FBXO41: variants seen among roughly 807,000 people sequenced by gnomAD.
FBXO41 encodes the protein F-box protein 41.
FBXO41 carries 33 observed loss-of-function variants against 81.6 expected under a neutral mutation model. The ratio of observed to expected loss-of-function variants is 0.40; its 90% CI spans 0.31 to 0.54. FBXO41 has a LOEUF of 0.54. Among genes scored for constraint, FBXO41 ranks in the 20% least tolerant of loss-of-function variants. The pLI is 0.39. For synonymous variants in FBXO41, 576 were observed against 552.7 expected (o/e 1.04, Z -0.59); for missense variants, 1,107 against 1,236.0 (o/e 0.90, Z 1.56).
In FBXO41 at chr2:73,259,136, G is replaced by T. The variant is rs1176492563; in HGVS notation, c.2565+45C>A. 4.3e-6 allele frequency: 7 copies of T among 1,612,110 alleles called. No homozygotes were observed. Among genetic ancestry groups the T allele is most frequent in the Non-Finnish European group, 5.9e-6 (7 of 1,178,398 alleles). ...ACCCAGGTCACCAGCCCCAGTCTAG[G>T]GATGCCACTTGGGGTCTTGGACAGC... is the stretch of plus-strand genomic sequence containing the variant. On this transcript the variant is annotated intron_variant, in intron 12 of 12. Coordinates refer to ENST00000520530, the MANE Select transcript of FBXO41 (RefSeq NM_001371389.2). This position sits in a 1 kb window ranked among gnomAD's most constrained non-coding sequence, Gnocchi z 4.2.
At position 73,258,730 on chromosome 2, in the gene FBXO41, T is replaced by A. The variant is rs1337064954; in HGVS notation, c.*252A>T. On this transcript the variant is annotated 3_prime_UTR_variant, in exon 13 of 13. Transcript: ENST00000520530. ...GCTCCTCACTGGCTGTGCCAGAGGC[T>A]ACTCCAGCCGGGGTAGGGTGGGGGT... 2 of 468,006 alleles carry A rather than the reference T, an allele frequency of 4.3e-6. No homozygotes were observed. Among genetic ancestry groups the A allele is most frequent in the Non-Finnish European group, 7.5e-6 (2 of 265,274 alleles). 29.0% of individuals were successfully genotyped at this position (468,006 alleles called of 1,614,324 possible).
Position 73,259,056 on chromosome 2 carries a change from AC to A in FBXO41, c.2566-13del. ...CTCCGTCGCAGAGCCTGCGGACCGA[AC>A]CCTGGGTTAGTTCTCCCTCCGTGCC... On this transcript the variant is annotated splice_polypyrimidine_tract_variant and intron_variant, in intron 12 of 12. Transcript: ENST00000520530. This position sits in a 1 kb window ranked among gnomAD's most constrained non-coding sequence, Gnocchi z 4.2. 6.2e-7 allele frequency: 1 copy of A among 1,605,398 alleles called. No homozygotes were observed. The highest frequency in any genetic ancestry group is 1.1e-5 in the South Asian group (1 of 89,852).
chr2:73,274,019 C>T (rs534616943), intron 1 of FBXO41, among the ~76,000 whole-genome samples: 6 of 152,332 alleles, frequency 3.9e-5, no homozygotes, highest in African/African-American at 1.4e-4. Flanking sequence ...GTTCTTTTCT[C>T]ATGCTTTGTA....
intron 1 of FBXO41, among the ~76,000 whole-genome samples, chr2:73,281,552 T>A (rs1268529989): frequency 6.6e-6 from 1 of 152,232 alleles, no homozygotes; most frequent in Non-Finnish European, 1.5e-5. Context: ...TTAGGACTTG[T>A]CCTCTTGGAA....
In FBXO41 at chr2:73,265,932, G is replaced by A. The variant is rs756618072; in HGVS notation, c.1166C>T (p.Thr389Ile). The A allele has an allele frequency of 1.3e-6, 2 of 1,587,176 alleles. No homozygotes were observed. The highest frequency in any genetic ancestry group is 2.3e-5 in the East Asian group (1 of 43,616). Residue 389 changes from threonine (T) to isoleucine (I), a missense_variant, in exon 4 of 13, where the codon ACA becomes ATA. Physicochemically the swap from Thr to Ile is moderately conservative, Grantham distance 89. Around this residue, in one of 2 missense-constraint regions of FBXO41, gnomAD observed 771 missense variants for 789.2 expected, o/e 0.98. Coordinates refer to ENST00000520530, the MANE Select transcript of FBXO41 (RefSeq NM_001371389.2). The stretch of plus-strand genomic sequence containing the variant: ...GGAGCCATGCCGTGACACTGCATAT[G>A]TGTTAGGCACGGCCGGGCCCACGTG... ...EHHVGPAVPNTYAVSRHGSSP... is the reference protein window; with the variant it reads ...EHHVGPAVPNIYAVSRHGSSP...
rs548659317 is a variant in FBXO41, at chr2:73,269,779, C to T, written c.-138-11G>A. The T allele has an allele frequency of 9.5e-6, 3 of 316,808 alleles. No individual in the cohort carries two copies. The highest frequency in any genetic ancestry group is 2.2e-5 in the African/African-American group (1 of 44,876). 19.6% of individuals were successfully genotyped at this position (316,808 alleles called of 1,614,324 possible). A position where few individuals can be genotyped will look rare whatever the true frequency, so the allele number is the denominator to read the frequency against. On this transcript the variant is annotated splice_polypyrimidine_tract_variant and intron_variant, in intron 1 of 12. Transcript: ENST00000520530. This position sits in a 1 kb window ranked among gnomAD's most constrained non-coding sequence, Gnocchi z 7.0. ...CCTGGGGCGAGGAGGCTGGAAGAGACGCGATGAGTCTTAGGAAGAGGGTAT... is the reference window on the plus strand; with the variant it reads ...CCTGGGGCGAGGAGGCTGGAAGAGATGCGATGAGTCTTAGGAAGAGGGTAT...
In FBXO41 at chr2:73,269,377, T is replaced by C; in HGVS notation, c.254A>G (p.Glu85Gly). ...AVPGARREVF[E>G]STSFQGKEQA... ...CTCCTTGCCCTGGAAGGAAGTGCTC[T>C]CGAAGACCTCTCGCCGGGCGCCGGG... The change falls in exon 2 of 13, where the codon GAG becomes GGG. Residue 85 changes from glutamate (E) to glycine (G), a missense_variant. Around this residue, in one of 2 missense-constraint regions of FBXO41, gnomAD observed 771 missense variants for 789.2 expected, o/e 0.98. Coordinates refer to ENST00000520530, the MANE Select transcript of FBXO41 (RefSeq NM_001371389.2). The surrounding 1 kb of genome is among the most constrained non-coding windows in gnomAD (Gnocchi z 7.0). 2 of 1,495,028 alleles carry C rather than the reference T, an allele frequency of 1.3e-6. No homozygotes were observed. The highest frequency in any genetic ancestry group is 1.8e-6 in the Non-Finnish European group (2 of 1,126,038). The allele number at this position is 1,495,028 out of a possible 1,614,324, so 92.6% of individuals were successfully genotyped here. A position where few individuals can be genotyped will look rare whatever the true frequency, so the allele number is the denominator to read the frequency against.
rs757101527 is a variant in FBXO41, at chr2:73,268,811, G to A, written c.820C>T (p.Arg274Cys). 5 of 1,580,134 alleles carry A rather than the reference G, an allele frequency of 3.2e-6. No individual in the cohort carries two copies. Among genetic ancestry groups the A allele is most frequent in the East Asian group, 2.4e-5 (1 of 42,498 alleles). Residue 274 changes from arginine (R) to cysteine (C), a missense_variant, in exon 2 of 13, where the codon CGC (arginine) becomes TGC (cysteine). Coordinates refer to ENST00000520530, the MANE Select transcript of FBXO41 (RefSeq NM_001371389.2). The stretch of plus-strand genomic sequence containing the variant: ...AGCTCTACGCTCACGTCCACCTGGC[G>A]GGAGAGCTCAGACGCGCGCTCCTCC... ...ELEERASELS[R>C]QVDVSVELLA...
At position 73,263,848 on chromosome 2, in the gene FBXO41, G is replaced by A. The variant is rs879831206; in HGVS notation, c.1923-18C>T. ...GGCAGCCCCTGGGGATGACCAAGAG[G>A]TCAGAGAGCTGGCAACCTCCTCCTC... On this transcript the variant is annotated intron_variant, in intron 7 of 12. Coordinates refer to ENST00000520530, the MANE Select transcript of FBXO41 (RefSeq NM_001371389.2). 3 of 1,614,026 alleles carry A rather than the reference G, an allele frequency of 1.9e-6. No homozygotes were observed. In the South Asian group the frequency reaches 3.3e-5, roughly 18 times the overall value.
chr2:73,263,731 G>A lies in FBXO41; in HGVS notation c.2022C>T (p.Arg674=), dbSNP rs562718212. Residue 674 remains arginine, a synonymous_variant, in exon 8 of 13, where the codon CGC becomes CGT. Coordinates refer to ENST00000520530, the MANE Select transcript of FBXO41 (RefSeq NM_001371389.2). ...ISHCPNILTD[R]SLWLASCYCR... ...AGTAGCAGCTGGCCAGCCAGAGCGAGCGGTCGGTGAGGATGTTTGGACAGT... is the reference window on the plus strand; with the variant it reads ...AGTAGCAGCTGGCCAGCCAGAGCGAACGGTCGGTGAGGATGTTTGGACAGT... The A allele has an allele frequency of 3.7e-6, 6 of 1,613,986 alleles. No homozygotes were observed. In the Admixed American group the frequency reaches 8.3e-5, roughly 22 times the overall value.
At chr2:73,271,758 G>GGCATGTGCAC (rs1175463037) in intron 1 of FBXO41, among the ~76,000 whole-genome samples, 6 of 151,932 alleles carry the variant, frequency 3.9e-5, no homozygotes, top group Non-Finnish European at 1.5e-5. Flanking sequence ...AGCCTCCCGA[G>GGCATGTGCAC]TAGCTGGGAC....
chr2:73,278,553 G>A (rs1354391425), intron 1 of FBXO41, among the ~76,000 whole-genome samples: 2 of 152,222 alleles, frequency 1.3e-5, no homozygotes, highest in Admixed American at 6.5e-5. Context: ...GTCCTGGCCT[G>A]CAAACAGTTT....
chr2:73,279,640 T>C (rs1688791148), intron 1 of FBXO41, among the ~76,000 whole-genome samples: 1 of 152,082 alleles, frequency 6.6e-6, no homozygotes, highest in Non-Finnish European at 1.5e-5. Flanking sequence ...ACTGGGGACT[T>C]TCAAGACTGC....
rs1688277189 is a variant in FBXO41 at position 73,266,385 on chromosome 2, C to T, written c.1131+72G>A. 1 of 1,415,730 alleles carries T rather than the reference C, an allele frequency of 7.1e-7. No homozygotes were observed. The highest frequency in any genetic ancestry group is 2.6e-4 in the Middle Eastern group (1 of 3,846). The allele number at this position is 1,415,730 out of a possible 1,614,324, so 87.7% of individuals were successfully genotyped here. The stretch of plus-strand genomic sequence containing the variant: ...AATGCGGCATCATGGGGGAGATGTC[C>T]AGCCATGTGAAAGGTGAGGTTGTGG... On this transcript the variant is annotated intron_variant, in intron 3 of 12. Coordinates refer to ENST00000520530, the MANE Select transcript of FBXO41 (RefSeq NM_001371389.2). This position sits in a 1 kb window ranked among gnomAD's most constrained non-coding sequence, Gnocchi z 5.3.
At chr2:73,264,555 G>A (rs4852916) in intron 5 of FBXO41, 36 bp from the exon 6 acceptor site, 488,319 of 1,609,352 alleles carry the variant, frequency 0.3, 78,112 homozygotes, top group East Asian at 0.4. Context: ...TGAGCGTGGA[G>A]GGTCAAGGCT....
intron 1 of FBXO41, among the ~76,000 whole-genome samples, chr2:73,280,464 C>T (rs1376235207): frequency 6.6e-6 from 1 of 152,264 alleles, no homozygotes; most frequent in African/African-American, 2.4e-5. Flanking sequence ...ACCCTCAAGA[C>T]TGGCTGGAAT....
intron 9 of FBXO41, 135 bp downstream of exon 9, chr2:73,263,078 G>A: frequency 1.5e-6 from 1 of 667,626 alleles, no homozygotes; most frequent in South Asian, 2.0e-5. Context: ...TGCTCCTAAT[G>A]CCTCAATGGA....
chr2:73,264,102 T>C (rs1251547942), intron 6 of FBXO41, 49 bp from the exon 7 acceptor site: 1 of 1,559,160 alleles, frequency 6.4e-7, no homozygotes, highest in Admixed American at 1.9e-5. Flanking sequence ...CTGAACTTGG[T>C]TGGCTGGAGG....
Position 73,260,718 on chromosome 2 carries a change from C to T in FBXO41, c.2290+22G>A. The T allele has an allele frequency of 6.5e-7, 1 of 1,529,536 alleles. No individual in the cohort carries two copies. The highest frequency in any genetic ancestry group is 8.8e-7 in the Non-Finnish European group (1 of 1,132,070). 94.7% of individuals were successfully genotyped at this position (1,529,536 alleles called of 1,614,324 possible). ...ATGCCTGCTTCCCACTACCCACCAC[C>T]CCAGTCCAAGGAAAGACTCACCGAG... On this transcript the variant is annotated intron_variant, in intron 10 of 12. Coordinates refer to ENST00000520530, the MANE Select transcript of FBXO41 (RefSeq NM_001371389.2). This position sits in a 1 kb window ranked among gnomAD's most constrained non-coding sequence, Gnocchi z 5.0.
Sources: gnomAD v4.1 joint callset for allele counts (sites outside exome capture counted in the v4.1 genomes callset) on GRCh38, gnomAD v4.1.1 for gene constraint, gnomAD v4.1.1 regional missense constraint, Gnocchi (gnomAD v3.1) non-coding constraint, MANE v1.5 for transcripts, NCBI Gene and HGNC (gene_info 2026-07-23, HGNC 2026-07-21) for gene names.